The following CAMTA1 variants were observed in gnomAD, a reference collection of about 807,000 sequenced individuals.
CAMTA1 encodes calmodulin-binding transcription activator 1.
CAMTA1 carries 27 observed loss-of-function variants against 170.9 expected under a neutral mutation model. That is an observed-to-expected ratio of 0.16 (90% CI 0.12 to 0.22). CAMTA1 has a LOEUF of 0.22. Among genes scored for constraint, CAMTA1 ranks in the 10% least tolerant of loss-of-function variants. CAMTA1 has a pLI of 1.00. For missense variants in CAMTA1, 1,619 were observed against 2,217.2 expected, an observed-to-expected ratio of 0.73 and a Z score of 5.42; for synonymous variants, 833 against 891.5, an observed-to-expected ratio of 0.93 and a Z score of 1.17.
chr1:7,449,954 T>G (rs952087584), intron 5 of CAMTA1, among the ~76,000 whole-genome samples: 3 of 151,794 alleles, frequency 2.0e-5, no homozygotes, highest in South Asian at 4.2e-4. Flanking sequence ...CCAGGTGGCT[T>G]GGGGGTAGGA....
At chr1:7,123,026 G>A (rs764622752) in intron 4 of CAMTA1, among the ~76,000 whole-genome samples, 2 of 152,172 alleles carry the variant, frequency 1.3e-5, no homozygotes, top group East Asian at 1.9e-4. Context: ...AGATCCAAAC[G>A]TGGTCTGCAA....
At position 7,640,767 on chromosome 1, in the gene CAMTA1, C is replaced by T. The variant is rs868041921; in HGVS notation, c.664+214C>T. 8.5e-5 allele frequency among the ~76,000 whole-genome samples: 13 copies of T among 152,304 alleles called. No individual in the cohort carries two copies. In the South Asian group the frequency reaches 1.2e-3, roughly 15 times the overall value. On this transcript the variant is annotated intron_variant, in intron 7 of 22. Coordinates refer to ENST00000303635, the MANE Select transcript of CAMTA1 (RefSeq NM_015215.4). ...AACAGCCAGGGCACAAAATGCCAGGCCCACGTGACAGATGAAAAGAGTGAG... is the reference window on the plus strand; with the variant it reads ...AACAGCCAGGGCACAAAATGCCAGGTCCACGTGACAGATGAAAAGAGTGAG...
At chr1:7,103,463 A>T (rs1643013761) in intron 4 of CAMTA1, among the ~76,000 whole-genome samples, 1 of 148,310 alleles carries the variant, frequency 6.7e-6, no homozygotes, top group African/African-American at 2.5e-5. Context: ...AACTACACAC[A>T]TGTACACAAC....
chr1:7,418,801 C>T (rs912990760), intron 5 of CAMTA1, among the ~76,000 whole-genome samples: 8 of 152,238 alleles, frequency 5.3e-5, no homozygotes, highest in Non-Finnish European at 1.5e-5. Context: ...ATCCTGGACG[C>T]TGCTCTCCTG....
chr1:7,367,178 GCAAGGTGA>G (rs1294924635), intron 5 of CAMTA1, among the ~76,000 whole-genome samples: 1 of 152,170 alleles, frequency 6.6e-6, no homozygotes, highest in African/African-American at 2.4e-5. Context: ...CTTTTGACTG[GCAAGGTGA>G]CATTGAGTGT....
At chr1:7,208,576 A>G (rs1404560590) in intron 4 of CAMTA1, among the ~76,000 whole-genome samples, 1 of 152,198 alleles carries the variant, frequency 6.6e-6, no homozygotes, top group Non-Finnish European at 1.5e-5. Context: ...ACAGGAAGCA[A>G]TGAGTCAACA....
intron 5 of CAMTA1, among the ~76,000 whole-genome samples, chr1:7,464,075 G>A (rs1041681832): frequency 1.8e-4 from 28 of 152,340 alleles, no homozygotes; most frequent in Admixed American, 1.0e-3. Context: ...TTAAGGGGAA[G>A]CTGCCAGGCC....
intron 6 of CAMTA1, among the ~76,000 whole-genome samples, chr1:7,501,503 G>A (rs933464276): frequency 2.6e-5 from 4 of 152,152 alleles, no homozygotes; most frequent in Admixed American, 2.6e-4. Flanking sequence ...AGAGGAGAGA[G>A]GGATGGTTTG....
intron 1 of CAMTA1, 28 bp downstream of exon 1, chr1:6,785,603 GGGCGGCGCGGCGGGCGGCGGGACCC>G (rs1638910501): frequency 4.5e-5 from 45 of 1,007,500 alleles, no homozygotes; most frequent in Non-Finnish European, 5.4e-5. Context: ...AGGGGCTGGG[GGGCGGCGCGGCGGGCGGCGGGACCC>G]GGCCCCGCCG....
At chr1:7,616,049 A>G (rs536324096) in intron 6 of CAMTA1, among the ~76,000 whole-genome samples, 3 of 152,372 alleles carry the variant, frequency 2.0e-5, no homozygotes, top group South Asian at 2.1e-4. Flanking sequence ...ATTCCCATTT[A>G]CCACCCTTTT....
intron 6 of CAMTA1, among the ~76,000 whole-genome samples, chr1:7,611,973 CA>C (rs1297361774): frequency 2.2e-4 from 34 of 152,216 alleles, no homozygotes; most frequent in African/African-American, 8.2e-4. Flanking sequence ...AGGGGGTGCA[CA>C]GAGATGGGCA....
chr1:7,263,408 A>G (rs1163446783), intron 5 of CAMTA1, among the ~76,000 whole-genome samples: 3 of 152,252 alleles, frequency 2.0e-5, no homozygotes, highest in Non-Finnish European at 4.4e-5. Flanking sequence ...TTTAACTGAT[A>G]TAATGCAAAG....
intron 5 of CAMTA1, among the ~76,000 whole-genome samples, chr1:7,271,157 C>T (rs1669738839): frequency 6.6e-6 from 1 of 151,986 alleles, no homozygotes; most frequent in South Asian, 2.1e-4. Context: ...AGGGATGTAC[C>T]CTTGATCCAA....
At chr1:7,600,826 A>G (rs543006516) in intron 6 of CAMTA1, among the ~76,000 whole-genome samples, 1 of 152,128 alleles carries the variant, frequency 6.6e-6, no homozygotes, top group Non-Finnish European at 1.5e-5. Context: ...CAGGATCCCA[A>G]GGCAGAAGAA....
intron 3 of CAMTA1, among the ~76,000 whole-genome samples, chr1:6,908,849 G>A (rs1378292852): frequency 6.6e-6 from 1 of 152,218 alleles, no homozygotes; most frequent in African/African-American, 2.4e-5. Context: ...TCTCCACCAG[G>A]AGTTGTTATT....
intron 5 of CAMTA1, among the ~76,000 whole-genome samples, chr1:7,411,583 TC>T (rs1262448756): frequency 1.3e-5 from 2 of 151,538 alleles, no homozygotes; most frequent in African/African-American, 4.8e-5. Context: ...TAAATAACTT[TC>T]TTTTTTTTTA....
rs926397774 is a variant in CAMTA1, at chr1:7,443,426, C to T, written c.439-24404C>T. On this transcript the variant is annotated intron_variant, in intron 5 of 22. Coordinates refer to ENST00000303635, the MANE Select transcript of CAMTA1 (RefSeq NM_015215.4). This position sits in a 1 kb window ranked among gnomAD's most constrained non-coding sequence, Gnocchi z 4.1. ...TGGAGATGATGATAGCCATGTCAGA[C>T]GACAGCAGGGAGAGTGGAAAGTCAC... is the stretch of plus-strand genomic sequence containing the variant. 3.9e-4 allele frequency among the ~76,000 whole-genome samples: 60 copies of T among 152,300 alleles called. No homozygotes were observed. The highest frequency in any genetic ancestry group is 3.9e-4 in the East Asian group (2 of 5,172).
At chr1:7,745,617 A>C (rs1269900081) in intron 17 of CAMTA1, among the ~76,000 whole-genome samples, 1 of 152,222 alleles carries the variant, frequency 6.6e-6, no homozygotes, top group Non-Finnish European at 1.5e-5. Flanking sequence ...TACTGCTACT[A>C]GGTTTTAGTA....
At chr1:7,727,121 ATTTTTT>A (rs71567310) in intron 11 of CAMTA1, among the ~76,000 whole-genome samples, 49 of 130,340 alleles carry the variant, frequency 3.8e-4, no homozygotes, top group African/African-American at 1.4e-3. Flanking sequence ...CCTTGTATTA[ATTTTTT>A]TTTTTTTTTT....
Sources: gnomAD v4.1 joint callset for allele counts (sites outside exome capture counted in the v4.1 genomes callset) on GRCh38, gnomAD v4.1.1 for gene constraint, Gnocchi (gnomAD v3.1) non-coding constraint, MANE v1.5 for transcripts, NCBI Gene and HGNC (gene_info 2026-07-23, HGNC 2026-07-21) for gene names.